The following SMARCC1 variants were observed in gnomAD, a reference collection of about 807,000 sequenced individuals.
SMARCC1 encodes the protein SWI/SNF complex subunit SMARCC1.
A neutral mutation model predicts 147.4 loss-of-function variants in SMARCC1; 43 were observed. The ratio of observed to expected loss-of-function variants is 0.29; its 90% CI spans 0.23 to 0.38. The LOEUF is 0.38. Ranked by LOEUF, SMARCC1 falls within the 10% of genes least tolerant of loss-of-function variation. The pLI is 1.00. For synonymous variants in SMARCC1, 495 were observed against 484.4 expected (o/e 1.02, Z -0.29); for missense variants, 1,119 against 1,381.1 (o/e 0.81, Z 3.01).
At chr3:47,639,610 A>G (rs929075821) in intron 21 of SMARCC1, among the ~76,000 whole-genome samples, 1 of 152,164 alleles carries the variant, frequency 6.6e-6, no homozygotes, top group Admixed American at 6.5e-5. Flanking sequence ...GTTACTCAGG[A>G]GTCTGAGGCA....
At chr3:47,751,695 T>C (rs1335764280) in intron 2 of SMARCC1, among the ~76,000 whole-genome samples, 1 of 152,098 alleles carries the variant, frequency 6.6e-6, no homozygotes, top group African/African-American at 2.4e-5. Context: ...AGGGAGACCT[T>C]GTCTATATTA....
At chr3:47,737,796 C>T (rs939946453) in intron 4 of SMARCC1, among the ~76,000 whole-genome samples, 17 of 151,490 alleles carry the variant, frequency 1.1e-4, no homozygotes. Context: ...GCTGGGACTA[C>T]AGGTACCCGG....
rs114591004 is a variant in SMARCC1, at chr3:47,623,635, T to C, written c.2647-1294A>G. ...ACACCAAAACTTTAAATAAATATTA[T>C]GTAATTTAAGGCATTATCATTGTAC... On this transcript the variant is annotated intron_variant, in intron 24 of 27. Coordinates refer to ENST00000254480, the MANE Select transcript of SMARCC1 (RefSeq NM_003074.4). Among the ~76,000 whole-genome samples the C allele has an allele frequency of 3.5e-3, 528 of 152,292 alleles. 4 individuals carry two copies. Among genetic ancestry groups the C allele is most frequent in the African/African-American group, 0.012 (495 of 41,556 alleles).
intron 24 of SMARCC1, among the ~76,000 whole-genome samples, chr3:47,627,928 G>A (rs1409445837): frequency 6.6e-6 from 1 of 152,130 alleles, no homozygotes; most frequent in East Asian, 1.9e-4. Flanking sequence ...TCTCTCTGTT[G>A]CCCAGGTTGG....
chr3:47,696,436 C>T (rs954071388), intron 11 of SMARCC1, among the ~76,000 whole-genome samples: 10 of 151,968 alleles, frequency 6.6e-5, no homozygotes, highest in Non-Finnish European at 1.0e-4. Flanking sequence ...GACTCAAAAA[C>T]GGCACAACAT....
Position 47,772,874 on chromosome 3 carries a change from C to G in SMARCC1, c.258G>C (p.Gln86His). 1.2e-6 allele frequency: 2 copies of G among 1,613,444 alleles called. No individual in the cohort carries two copies. Among genetic ancestry groups the G allele is most frequent in the African/African-American group, 1.3e-5 (1 of 74,968 alleles). ...TLAGLVVQLL[Q>H]FQEDAFGKHV... ...GCTTCCCAAAGGCATCTTCCTGGAA[C>G]TGAAGAAGCTGCACCACCAGCCCAG... The change falls in exon 2 of 28, where the codon CAG becomes CAC. Residue 86 changes from glutamine to histidine, a missense_variant. By Grantham distance (24) the Gln-to-His change is conservative. Coordinates refer to ENST00000254480, the MANE Select transcript of SMARCC1 (RefSeq NM_003074.4).
chr3:47,744,228 G>A lies in SMARCC1; in HGVS notation c.401+1680C>T, dbSNP rs142121252. Among the ~76,000 whole-genome samples the A allele has an allele frequency of 8.4e-3, 1,281 of 152,128 alleles. 22 individuals are homozygous for A. Among genetic ancestry groups the A allele is most frequent in the African/African-American group, 0.027 (1,134 of 41,486 alleles). On this transcript the variant is annotated intron_variant, in intron 3 of 27. Coordinates refer to ENST00000254480, the MANE Select transcript of SMARCC1 (RefSeq NM_003074.4). The stretch of plus-strand genomic sequence containing the variant: ...GCAATCTCAGCTCACTGCAACCTCC[G>A]TCTCCCGGGTTCAAGCAATTCTCCT...
chr3:47,766,072 T>G (rs111322792), intron 2 of SMARCC1, among the ~76,000 whole-genome samples: 1,574 of 152,226 alleles, frequency 0.01, 29 homozygotes, highest in African/African-American at 0.035. Flanking sequence ...TTTACAATTT[T>G]GGGCATAAGG....
chr3:47,777,088 AT>A (rs1306337582), intron 1 of SMARCC1, among the ~76,000 whole-genome samples: 403 of 131,328 alleles, frequency 3.1e-3, no homozygotes, highest in Middle Eastern at 8.9e-3. Context: ...GTAAATATTT[AT>A]TTTTTTTTTT....
intron 26 of SMARCC1, among the ~76,000 whole-genome samples, chr3:47,591,708 A>AT (rs1037257722): frequency 4.0e-5 from 6 of 151,318 alleles, no homozygotes; most frequent in Non-Finnish European, 7.4e-5. Flanking sequence ...ACGCCCAGCT[A>AT]TTTTTTTTGT....
At chr3:47,704,857 C>T (rs1345454302) in intron 10 of SMARCC1, among the ~76,000 whole-genome samples, 1 of 151,766 alleles carries the variant, frequency 6.6e-6, no homozygotes, top group Non-Finnish European at 1.5e-5. Flanking sequence ...ATGGAGGCTG[C>T]AATGGGCCAA....
chr3:47,748,852 G>A (rs927405477), intron 2 of SMARCC1, among the ~76,000 whole-genome samples: 1 of 151,982 alleles, frequency 6.6e-6, no homozygotes, highest in African/African-American at 2.4e-5. Context: ...AAGGAAAGAG[G>A]GACAAGGAAT....
chr3:47,610,252 G>A lies in SMARCC1; in HGVS notation c.2857C>T (p.Arg953Ter). 3 of 1,614,180 alleles carry A rather than the reference G, an allele frequency of 1.9e-6. No homozygotes were observed. The highest frequency in any genetic ancestry group is 2.5e-6 in the Non-Finnish European group (3 of 1,180,040). ...TGCTGTTCCATTTGCTGTCGTGCTC[G>A]TAATTCAGCATACTTCAGCTGTTCC... ...HMEQLKYAELRARQQMEQQQH... is the reference protein window; with the variant it reads ...HMEQLKYAEL Residue 953 changes from arginine to a stop codon, truncating the protein, a stop_gained, in exon 26 of 28, where the codon CGA becomes TGA. Transcript: ENST00000254480. LOFTEE classifies it high-confidence loss of function.
intron 11 of SMARCC1, among the ~76,000 whole-genome samples, chr3:47,696,090 GC>G (rs1248270653): frequency 4.5e-4 from 57 of 125,546 alleles, no homozygotes; most frequent in African/African-American, 9.4e-4. Flanking sequence ...GGGGGGGGGG[GC>G]CAGGCGAGGT....
chr3:47,716,415 C>CAAAAAAA (rs776727634), intron 7 of SMARCC1, among the ~76,000 whole-genome samples: 3 of 51,936 alleles, frequency 5.8e-5, no homozygotes, highest in South Asian at 8.7e-4. Context: ...GACTCCATCT[C>CAAAAAAA]AAAAAAAAAA....
intron 19 of SMARCC1, chr3:47,663,969 G>T: frequency 8.0e-7 from 1 of 1,243,740 alleles, no homozygotes; most frequent in Non-Finnish European, 1.1e-6. Context: ...CCGCAGAAAT[G>T]ATTCCAAAAC....
intron 24 of SMARCC1, among the ~76,000 whole-genome samples, chr3:47,624,184 G>A (rs765695696): frequency 7.9e-5 from 12 of 151,854 alleles, no homozygotes; most frequent in African/African-American, 1.5e-4. Flanking sequence ...CCAGCTACTC[G>A]GGAGGCTGAG....
intron 26 of SMARCC1, among the ~76,000 whole-genome samples, chr3:47,605,888 G>C (rs1029657991): frequency 1.3e-5 from 2 of 151,908 alleles, no homozygotes; most frequent in Non-Finnish European, 2.9e-5. Flanking sequence ...CAGGACAGTT[G>C]TTATCCTTGG....
At chr3:47,724,839 C>T (rs2034279418) in intron 6 of SMARCC1, among the ~76,000 whole-genome samples, 1 of 151,972 alleles carries the variant, frequency 6.6e-6, no homozygotes, top group African/African-American at 2.4e-5. Flanking sequence ...GCAGGAGGAT[C>T]ACTTGAGCCC....
Sources: allele counts gnomAD v4.1 joint callset (sites outside exome capture counted in the v4.1 genomes callset), GRCh38; gene constraint gnomAD v4.1.1; transcripts MANE v1.5; gene names NCBI Gene and HGNC (gene_info 2026-07-23, HGNC 2026-07-21).